The following CNTNAP5 variants were observed in gnomAD, a reference collection of about 807,000 sequenced individuals.
CNTNAP5 encodes the protein contactin associated protein family member 5, also known as contactin-associated protein-like 5.
CNTNAP5 carries 72 observed loss-of-function variants against 150.2 expected under a neutral mutation model. The observed-to-expected ratio is 0.48, with a 90% CI of 0.40 to 0.58. CNTNAP5 has a LOEUF of 0.58. Among genes scored for constraint, CNTNAP5 ranks in the 20% least tolerant of loss-of-function variants. CNTNAP5 has a pLI of 0.00. For synonymous variants in CNTNAP5, 672 were observed against 619.8 expected (o/e 1.08, Z -1.25); for missense variants, 1,636 against 1,626.2 (o/e 1.01, Z -0.10).
intron 2 of CNTNAP5, among the ~76,000 whole-genome samples, chr2:124,235,738 C>T (rs1363909615): frequency 1.3e-5 from 2 of 152,118 alleles, no homozygotes; most frequent in African/African-American, 4.8e-5. Flanking sequence ...TCTCCCTAGA[C>T]ATTACTCTTT....
At position 124,546,717 on chromosome 2, in the gene CNTNAP5, C is replaced by T. The variant is rs116678665; in HGVS notation, c.1650-16500C>T. ...CTGCTTTTCTCTACAAAACAAACACCCTTAAAGGTAACTTCTTCTGCCTCT... is the reference window on the plus strand; with the variant it reads ...CTGCTTTTCTCTACAAAACAAACACTCTTAAAGGTAACTTCTTCTGCCTCT... On this transcript the variant is annotated intron_variant, in intron 10 of 23. Transcript: ENST00000682447. Among the ~76,000 whole-genome samples the T allele has an allele frequency of 6.4e-3, 981 of 152,256 alleles. 5 individuals are homozygous for T. The highest frequency in any genetic ancestry group is 0.031 in the Middle Eastern group (9 of 294).
At position 124,464,655 on chromosome 2, in the gene CNTNAP5, T is replaced by C. The variant is rs542971979; in HGVS notation, c.919-10084T>C. Among the ~76,000 whole-genome samples, 20 of 152,320 alleles carry C rather than the reference T, an allele frequency of 1.3e-4. No homozygotes were observed. The East Asian group carries it at 3.5e-3, about 26-fold the overall frequency. ...GAAAGCCATCGTCCAATTTTGCCTA[T>C]ATGCTGTTTTACTTTCTTTTTTAAA... On this transcript the variant is annotated intron_variant, in intron 6 of 23. Transcript: ENST00000682447.
chr2:124,037,324 T>G (rs1387992544), intron 1 of CNTNAP5, among the ~76,000 whole-genome samples: 15 of 152,210 alleles, frequency 9.9e-5, no homozygotes, highest in Non-Finnish European at 2.9e-5. Flanking sequence ...ATTTCACCCC[T>G]AAAGAATACT....
chr2:124,763,536 G>A (rs1436709283), intron 14 of CNTNAP5, 136 bp from the exon 15 acceptor site: 4 of 696,778 alleles, frequency 5.7e-6, no homozygotes, highest in Non-Finnish European at 9.6e-6. Flanking sequence ...GGCGATGAAA[G>A]GCCTTCTGTT....
intron 13 of CNTNAP5, among the ~76,000 whole-genome samples, chr2:124,746,235 T>G (rs902700313): frequency 6.6e-6 from 1 of 152,192 alleles, no homozygotes; most frequent in African/African-American, 2.4e-5. Flanking sequence ...GTATAACACT[T>G]TCATCTGCCT....
rs148738761 is a variant in CNTNAP5, at chr2:124,788,683, C to T, written c.2753-1219C>T. On this transcript the variant is annotated intron_variant, in intron 17 of 23. Transcript: ENST00000682447. ...TGGCATGATCTCGGCTCACTGTAGCCTCCGCCTCCCCGGTTCAAGCTATTT... is the reference window on the plus strand; with the variant it reads ...TGGCATGATCTCGGCTCACTGTAGCTTCCGCCTCCCCGGTTCAAGCTATTT... 2.3e-3 allele frequency among the ~76,000 whole-genome samples: 345 copies of T among 150,832 alleles called. 5 individuals carry two copies. The highest frequency in any genetic ancestry group is 7.4e-3 in the African/African-American group (305 of 40,986).
intron 19 of CNTNAP5, among the ~76,000 whole-genome samples, chr2:124,813,990 A>G (rs1266748554): frequency 6.6e-6 from 1 of 151,976 alleles, no homozygotes; most frequent in African/African-American, 2.4e-5. Context: ...CATTCTGACC[A>G]GGGTGATCTT....
chr2:124,224,256 G>A lies in CNTNAP5; in HGVS notation c.187+2447G>A, dbSNP rs556442080. Among the ~76,000 whole-genome samples, 5 of 152,186 alleles carry A rather than the reference G, an allele frequency of 3.3e-5. No homozygotes were observed. The East Asian group carries it at 9.7e-4, about 29-fold the overall frequency. Reference sequence around the variant, plus strand: ...TTCTATTAATAATTATTGAGTCCCAGTATTTGTCAGGCATTGTTCTAGATC... The same window carrying A: ...TTCTATTAATAATTATTGAGTCCCAATATTTGTCAGGCATTGTTCTAGATC... On this transcript the variant is annotated intron_variant, in intron 2 of 23. Transcript: ENST00000682447.
At chr2:124,909,532 G>C (rs1223933302) in intron 22 of CNTNAP5, among the ~76,000 whole-genome samples, 1 of 151,994 alleles carries the variant, frequency 6.6e-6, no homozygotes, top group Admixed American at 6.6e-5. Flanking sequence ...ATTTTAAGTA[G>C]GTGGAGTAGC....
chr2:124,331,599 G>A (rs1689350689), intron 3 of CNTNAP5, among the ~76,000 whole-genome samples: 2 of 150,878 alleles, frequency 1.3e-5, no homozygotes, highest in Admixed American at 6.6e-5. Flanking sequence ...TTTAAATAAA[G>A]GTTTAAAACA....
rs1215995311 is a variant in CNTNAP5 at position 124,361,986 on chromosome 2, G to A, written c.382-55457G>A. On this transcript the variant is annotated intron_variant, in intron 3 of 23. Coordinates refer to ENST00000682447, the MANE Select transcript of CNTNAP5 (RefSeq NM_001367498.1). ...ACTTCGTGGGCGTAGGACCCTCTGAGCCAGGTGCGGGATATAATCTTGTGG... is the reference window on the plus strand; with the variant it reads ...ACTTCGTGGGCGTAGGACCCTCTGAACCAGGTGCGGGATATAATCTTGTGG... 1.1e-4 allele frequency among the ~76,000 whole-genome samples: 17 copies of A among 152,236 alleles called. 1 individual carries two copies. Among genetic ancestry groups the A allele is most frequent in the Admixed American group, 1.1e-3 (17 of 15,288 alleles).
chr2:124,041,556 T>A (rs892072723), intron 1 of CNTNAP5, among the ~76,000 whole-genome samples: 5 of 152,188 alleles, frequency 3.3e-5, no homozygotes, highest in Non-Finnish European at 7.3e-5. Context: ...GCTTCTTTTT[T>A]TAAAAAGGAA....
chr2:124,184,702 G>C (rs1342540988), intron 1 of CNTNAP5, among the ~76,000 whole-genome samples: 2 of 152,168 alleles, frequency 1.3e-5, no homozygotes, highest in African/African-American at 4.8e-5. Context: ...AGTGCAGGAT[G>C]TGGACAACTT....
At chr2:124,316,630 C>T (rs1688966295) in intron 3 of CNTNAP5, among the ~76,000 whole-genome samples, 1 of 151,420 alleles carries the variant, frequency 6.6e-6, no homozygotes, top group Non-Finnish European at 1.5e-5. Flanking sequence ...ACTGTGAAAA[C>T]CCGTCTCTAC....
At chr2:124,092,508 C>A (rs557534221) in intron 1 of CNTNAP5, among the ~76,000 whole-genome samples, 2 of 152,258 alleles carry the variant, frequency 1.3e-5, no homozygotes, top group Admixed American at 6.5e-5. Flanking sequence ...TTAATCCTTT[C>A]AATGTATAGA....
chr2:124,109,614 C>A lies in CNTNAP5; in HGVS notation c.82+83882C>A, dbSNP rs544265307. 2.0e-5 allele frequency among the ~76,000 whole-genome samples: 3 copies of A among 152,274 alleles called. No individual in the cohort carries two copies. The East Asian group carries it at 5.8e-4, about 30-fold the overall frequency. ...TGGAAACCAGAGACCGATTTCCCTGCCTGGGGACAGGGCATCTGTCAGGTA... is the reference window on the plus strand; with the variant it reads ...TGGAAACCAGAGACCGATTTCCCTGACTGGGGACAGGGCATCTGTCAGGTA... On this transcript the variant is annotated intron_variant, in intron 1 of 23. Coordinates refer to ENST00000682447, the MANE Select transcript of CNTNAP5 (RefSeq NM_001367498.1).
rs1573717101 is a variant in CNTNAP5 at position 124,048,835 on chromosome 2, A to G, written c.82+23103A>G. 3.9e-5 allele frequency among the ~76,000 whole-genome samples: 6 copies of G among 152,340 alleles called. No homozygotes were observed. The South Asian group carries it at 1.0e-3, about 26-fold the overall frequency. ...AACCATTTTGGATGTCCTCATAAGT[A>G]TACAGCAGAAATTGGACACAGTGTC... On this transcript the variant is annotated intron_variant, in intron 1 of 23. Transcript: ENST00000682447.
chr2:124,243,261 A>G (rs1686932369), intron 3 of CNTNAP5, among the ~76,000 whole-genome samples: 1 of 152,216 alleles, frequency 6.6e-6, no homozygotes. Context: ...AGATACGGAA[A>G]TTAATAGCAT....
At chr2:124,280,565 A>C (rs997255174) in intron 3 of CNTNAP5, among the ~76,000 whole-genome samples, 1 of 152,056 alleles carries the variant, frequency 6.6e-6, no homozygotes, top group Non-Finnish European at 1.5e-5. Context: ...TTTTGGTGAC[A>C]ATGGCGAGTG....
Sources: gnomAD v4.1 joint callset for allele counts (sites outside exome capture counted in the v4.1 genomes callset) on GRCh38, gnomAD v4.1.1 for gene constraint, MANE v1.5 for transcripts, NCBI Gene and HGNC (gene_info 2026-07-23, HGNC 2026-07-21) for gene names.